CNTNAP5: variants seen among roughly 807,000 people sequenced by gnomAD.
CNTNAP5 encodes contactin-associated protein-like 5.
In CNTNAP5, 72 loss-of-function variants were observed where a neutral mutation model predicts 150.2. The observed-to-expected ratio is 0.48, with a 90% CI of 0.40 to 0.58. The LOEUF is 0.58. Among genes scored for constraint, CNTNAP5 ranks in the 20% least tolerant of loss-of-function variants. The pLI is 0.00. For missense variants in CNTNAP5, 1,636 were observed against 1,626.2 expected (o/e 1.01, Z -0.10); for synonymous variants, 672 against 619.8 (o/e 1.08, Z -1.25).
At chr2:124,708,645 T>A (rs1003297362) in intron 13 of CNTNAP5, among the ~76,000 whole-genome samples, 7 of 152,208 alleles carry the variant, frequency 4.6e-5, no homozygotes, top group African/African-American at 1.7e-4. Flanking sequence ...TTGCTGGAGC[T>A]GCAGTTCTGG....
chr2:124,079,289 T>C (rs899754609), intron 1 of CNTNAP5, among the ~76,000 whole-genome samples: 15 of 152,174 alleles, frequency 9.9e-5, no homozygotes, highest in Non-Finnish European at 4.4e-5. Context: ...GTTTTCTGGC[T>C]CCAACCCCCA....
intron 7 of CNTNAP5, among the ~76,000 whole-genome samples, chr2:124,503,438 C>A (rs1272815869): frequency 1.3e-5 from 2 of 152,178 alleles, no homozygotes; most frequent in African/African-American, 4.8e-5. Context: ...TAGGGCATTC[C>A]CCTTGTGGGA....
intron 1 of CNTNAP5, among the ~76,000 whole-genome samples, chr2:124,159,569 C>G (rs1470459593): frequency 6.6e-6 from 1 of 152,138 alleles, no homozygotes; most frequent in East Asian, 1.9e-4. Context: ...AACTGTGTGA[C>G]CATGTTAAGT....
intron 21 of CNTNAP5, among the ~76,000 whole-genome samples, chr2:124,874,961 A>G (rs1677823858): frequency 6.6e-6 from 1 of 151,978 alleles, no homozygotes; most frequent in South Asian, 2.1e-4. Flanking sequence ...ACTTGCCTCA[A>G]AAAAAATACA....
rs1553430172 is a variant in CNTNAP5, at chr2:124,674,509, C to CCCTTTCTT, written c.2077+26551_2077+26552insCCTTTCTT. 1.2e-3 allele frequency among the ~76,000 whole-genome samples: 142 copies of CCCTTTCTT among 115,456 alleles called. 2 individuals carry two copies. Among genetic ancestry groups the CCCTTTCTT allele is most frequent in the Middle Eastern group, 4.7e-3 (1 of 212 alleles). The allele number at this position is 115,456 out of a possible 152,430, so 75.7% of individuals were successfully genotyped here. ...CCCTCTCTACTTCCTTTCTTTCTTT[C>CCCTTTCTT]TCTTTCTTTCTTTCTTTCTTTCTTT... On this transcript the variant is annotated intron_variant, in intron 13 of 23. Coordinates refer to ENST00000682447, the MANE Select transcript of CNTNAP5 (RefSeq NM_001367498.1).
intron 1 of CNTNAP5, among the ~76,000 whole-genome samples, chr2:124,114,498 G>A (rs2420555): frequency 0.021 from 3,192 of 151,924 alleles, 49 homozygotes; most frequent in Middle Eastern, 0.038. Flanking sequence ...CTAACCTCAT[G>A]AATCCTAATA....
chr2:124,264,750 G>A (rs954145557), intron 3 of CNTNAP5, among the ~76,000 whole-genome samples: 2 of 152,196 alleles, frequency 1.3e-5, no homozygotes, highest in Non-Finnish European at 2.9e-5. Context: ...TCGCATGCCA[G>A]AGGCAGAACA....
rs1167874351 is a variant in CNTNAP5, at chr2:124,894,139, C to T, written c.3437-8743C>T. On this transcript the variant is annotated intron_variant, in intron 21 of 23. Transcript: ENST00000682447. ...GACTCCCTTTCCTTTACCAAGAGTG[C>T]TGTTACTTGTTTTAGAAAGACTTTT... 4.6e-5 allele frequency among the ~76,000 whole-genome samples: 7 copies of T among 151,398 alleles called. No homozygotes were observed. The South Asian group carries it at 6.2e-4, about 13-fold the overall frequency.
chr2:124,799,039 G>T (rs1681910187), intron 19 of CNTNAP5, among the ~76,000 whole-genome samples: 2 of 152,014 alleles, frequency 1.3e-5, no homozygotes, highest in Admixed American at 6.6e-5. Flanking sequence ...CTAAATAAAA[G>T]GATTATTTTT....
intron 3 of CNTNAP5, among the ~76,000 whole-genome samples, chr2:124,267,552 A>G (rs1380713322): frequency 6.6e-6 from 1 of 152,148 alleles, no homozygotes; most frequent in Non-Finnish European, 1.5e-5. Flanking sequence ...GACTAAATAT[A>G]TTAGTCTTTA....
intron 1 of CNTNAP5, among the ~76,000 whole-genome samples, chr2:124,126,904 G>A (rs755817705): frequency 3.9e-5 from 6 of 152,128 alleles, no homozygotes; most frequent in East Asian, 1.9e-4. Context: ...TTGATGGGAC[G>A]TATCTCAAAA....
intron 3 of CNTNAP5, among the ~76,000 whole-genome samples, chr2:124,380,491 G>A (rs1254572615): frequency 6.6e-6 from 1 of 152,182 alleles, no homozygotes; most frequent in East Asian, 1.9e-4. Flanking sequence ...CAGGAGCCTA[G>A]CCTAAGTCCA....
rs1032352496 is a variant in CNTNAP5, at chr2:124,916,271, C to A, written c.*1983C>A. ...AGTGATTTTAACCATGATATCATTTCTCTCCTTTTAGTTTTAATAAGATGA... is the reference window on the plus strand; with the variant it reads ...AGTGATTTTAACCATGATATCATTTATCTCCTTTTAGTTTTAATAAGATGA... On this transcript the variant is annotated 3_prime_UTR_variant, in exon 24 of 24. Coordinates refer to ENST00000682447, the MANE Select transcript of CNTNAP5 (RefSeq NM_001367498.1). 2.0e-5 allele frequency among the ~76,000 whole-genome samples: 3 copies of A among 152,024 alleles called. No individual in the cohort carries two copies. The highest frequency in any genetic ancestry group is 1.9e-4 in the East Asian group (1 of 5,176).
intron 16 of CNTNAP5, among the ~76,000 whole-genome samples, chr2:124,766,326 C>T (rs2104603542): frequency 6.6e-6 from 1 of 151,424 alleles, no homozygotes; most frequent in South Asian, 2.1e-4. Context: ...AATGATGTGA[C>T]TGCATGAAAT....
chr2:124,495,641 C>G (rs897815575), intron 7 of CNTNAP5, among the ~76,000 whole-genome samples: 3 of 152,224 alleles, frequency 2.0e-5, no homozygotes, highest in African/African-American at 7.2e-5. Flanking sequence ...AAATGAAACC[C>G]TAATGTGCAC....
intron 3 of CNTNAP5, among the ~76,000 whole-genome samples, chr2:124,402,787 G>A (rs1212502107): frequency 6.6e-6 from 1 of 152,116 alleles, no homozygotes; most frequent in Non-Finnish European, 1.5e-5. Flanking sequence ...AAGGAAGAGT[G>A]GGGGAAAAGG....
chr2:124,739,843 C>T (rs1380657818), intron 13 of CNTNAP5, among the ~76,000 whole-genome samples: 2 of 151,880 alleles, frequency 1.3e-5, no homozygotes, highest in Non-Finnish European at 2.9e-5. Context: ...TTACTCTGGG[C>T]TTTTCTAGAA....
chr2:124,477,019 T>C (rs1360052164), intron 7 of CNTNAP5, among the ~76,000 whole-genome samples: 1 of 152,286 alleles, frequency 6.6e-6, no homozygotes, highest in African/African-American at 2.4e-5. Flanking sequence ...GATTTTTATA[T>C]ATCCTTTATT....
rs541478529 is a variant in CNTNAP5, at chr2:124,840,381, C to T, written c.3218-24925C>T. On this transcript the variant is annotated intron_variant, in intron 19 of 23. Coordinates refer to ENST00000682447, the MANE Select transcript of CNTNAP5 (RefSeq NM_001367498.1). ...TCTTGAATAAGCTGGCCCTCTCTCT[C>T]GCCATTGCATACTGCCTCAGAGCCT... is the stretch of plus-strand genomic sequence containing the variant. 1.1e-4 allele frequency among the ~76,000 whole-genome samples: 17 copies of T among 152,040 alleles called. 1 individual carries two copies. Among genetic ancestry groups the T allele is most frequent in the Non-Finnish European group, 2.2e-4 (15 of 67,996 alleles).
Sources: gnomAD v4.1 joint callset for allele counts (sites outside exome capture counted in the v4.1 genomes callset) on GRCh38, gnomAD v4.1.1 for gene constraint, MANE v1.5 for transcripts, NCBI Gene and HGNC (gene_info 2026-07-23, HGNC 2026-07-21) for gene names.